The following TMEM132E variants were observed in gnomAD, a reference collection of about 807,000 sequenced individuals.
TMEM132E encodes the protein transmembrane protein 132E.
In TMEM132E, 49 loss-of-function variants were observed where a neutral mutation model predicts 78.5. The ratio of observed to expected loss-of-function variants is 0.62; its 90% confidence interval spans 0.50 to 0.79. TMEM132E has a LOEUF of 0.79. Ranked by LOEUF, TMEM132E falls within the 30% of genes least tolerant of loss-of-function variation. The pLI is 0.00. For synonymous variants in TMEM132E, 715 were observed against 670.6 expected (o/e 1.07, Z -1.02); for missense variants, 1,403 against 1,470.9 (o/e 0.95, Z 0.75).
Position 34,637,649 on chromosome 17 carries a change from C to A in TMEM132E, c.2642C>A (p.Pro881Gln). ...CTGCCCACCGGCTTCCTGCAGGTGC[C>A]ACGGGGTCTGACAGACCTGGAGATC... ...LPLPTGFLQV[P>Q]RGLTDLEIGM... The change falls in exon 9 of 9, where the codon CCA (proline) becomes CAA (glutamine). Residue 881 changes from proline (P) to glutamine (Q), a missense_variant. Coordinates refer to ENST00000631683, the MANE Select transcript of TMEM132E (RefSeq NM_001304438.2). 1 of 1,607,598 alleles carries A rather than the reference C, an allele frequency of 6.2e-7. No homozygotes were observed. The highest frequency in any genetic ancestry group is 8.5e-7 in the Non-Finnish European group (1 of 1,179,404).
intron 1 of TMEM132E, among the ~76,000 whole-genome samples, chr17:34,624,076 AC>A (rs986040546): frequency 1.3e-5 from 2 of 152,100 alleles, no homozygotes; most frequent in Non-Finnish European, 2.9e-5. Context: ...AAAACAACTG[AC>A]CCCGAGGGCC....
chr17:34,617,855 A>ATG (rs1328743977), intron 1 of TMEM132E, among the ~76,000 whole-genome samples: 2 of 152,216 alleles, frequency 1.3e-5, no homozygotes, highest in Non-Finnish European at 2.9e-5. Flanking sequence ...TTTACAAGCA[A>ATG]TGTGTGTTCA....
chr17:34,587,044 T>C (rs574687108), intron 1 of TMEM132E, among the ~76,000 whole-genome samples: 320 of 152,318 alleles, frequency 2.1e-3, no homozygotes, highest in Non-Finnish European at 3.8e-3. Context: ...GTGTGCTTGC[T>C]GGCAGAACTT....
At chr17:34,615,815 C>T (rs150193549) in intron 1 of TMEM132E, among the ~76,000 whole-genome samples, 23 of 151,744 alleles carry the variant, frequency 1.5e-4, no homozygotes, top group Admixed American at 9.8e-4. Context: ...CTCAGGAGGC[C>T]GTGTGGGGGA....
chr17:34,586,785 T>A (rs1302383244), intron 1 of TMEM132E, among the ~76,000 whole-genome samples: 1 of 143,340 alleles, frequency 7.0e-6, no homozygotes, highest in African/African-American at 2.7e-5. Context: ...AATGAATGAG[T>A]GCAAGGATGA....
At chr17:34,612,836 C>T (rs1906635005) in intron 1 of TMEM132E, among the ~76,000 whole-genome samples, 1 of 152,048 alleles carries the variant, frequency 6.6e-6, no homozygotes, top group Non-Finnish European at 1.5e-5. Flanking sequence ...GGAAGCCTTT[C>T]AGCCTCTCTC....
At chr17:34,590,731 T>G (rs955764805) in intron 1 of TMEM132E, among the ~76,000 whole-genome samples, 5 of 152,208 alleles carry the variant, frequency 3.3e-5, no homozygotes, top group Non-Finnish European at 5.9e-5. Context: ...GGTAACTCTT[T>G]ACCTGGGTGA....
rs1416966094 is a variant in TMEM132E at position 34,636,088 on chromosome 17, C to G, written c.2059C>G (p.Gln687Glu). ...TEEKVSITQL[Q>E]AQVVASLALS... ...GGAGAAGGTCAGCATCACACAGCTT[C>G]AGGCCCAGGTGGTGGCCAGCCTGGC... Residue 687 changes from glutamine (Q) to glutamate (E), a missense_variant, in exon 8 of 9, where the codon CAG (glutamine) becomes GAG (glutamate). Gln to Glu is a conservative substitution (Grantham distance 29). Around this residue, in one of 3 missense-constraint regions of TMEM132E, gnomAD observed 888 missense variants for 952.8 expected, o/e 0.93. Transcript: ENST00000631683. The G allele has an allele frequency of 6.3e-7, 1 of 1,594,976 alleles. No homozygotes were observed. The highest frequency in any genetic ancestry group is 1.4e-5 in the African/African-American group (1 of 73,792).
At chr17:34,582,880 C>G (rs570801620) in intron 1 of TMEM132E, among the ~76,000 whole-genome samples, 1 of 152,166 alleles carries the variant, frequency 6.6e-6, no homozygotes, top group African/African-American at 2.4e-5. Context: ...CCAACCATGG[C>G]GTCACCTCAA....
chr17:34,605,009 G>A (rs543476453), intron 1 of TMEM132E, among the ~76,000 whole-genome samples: 11 of 152,274 alleles, frequency 7.2e-5, no homozygotes, highest in Non-Finnish European at 1.6e-4. Flanking sequence ...ACTTAAGCTG[G>A]AGACCTCTAC....
intron 1 of TMEM132E, among the ~76,000 whole-genome samples, chr17:34,594,979 G>C (rs73284021): frequency 0.012 from 1,857 of 152,308 alleles, 47 homozygotes; most frequent in African/African-American, 0.042. Flanking sequence ...ATGAGACAAG[G>C]ATGCAAATAA....
intron 1 of TMEM132E, among the ~76,000 whole-genome samples, chr17:34,602,489 G>A (rs1906276245): frequency 6.6e-6 from 1 of 152,232 alleles, no homozygotes; most frequent in South Asian, 2.1e-4. Context: ...CAGGGTGGAG[G>A]AGGAGGCTTT....
chr17:34,585,455 C>A (rs1276418582), intron 1 of TMEM132E, among the ~76,000 whole-genome samples: 1 of 152,184 alleles, frequency 6.6e-6, no homozygotes, highest in Non-Finnish European at 1.5e-5. Context: ...TAGTAGCGGG[C>A]AGGGTCTCAC....
intron 1 of TMEM132E, among the ~76,000 whole-genome samples, chr17:34,609,059 C>T (rs1464952294): frequency 6.6e-6 from 1 of 152,182 alleles, no homozygotes; most frequent in African/African-American, 2.4e-5. Flanking sequence ...GGCTCTACAG[C>T]AGTCGGGACA....
At chr17:34,591,259 A>G (rs1387095195) in intron 1 of TMEM132E, among the ~76,000 whole-genome samples, 1 of 152,068 alleles carries the variant, frequency 6.6e-6, no homozygotes, top group Non-Finnish European at 1.5e-5. Flanking sequence ...AGTTCTGAAG[A>G]ATATGGCCAA....
At chr17:34,586,381 C>T (rs551440874) in intron 1 of TMEM132E, among the ~76,000 whole-genome samples, 45 of 152,086 alleles carry the variant, frequency 3.0e-4, no homozygotes, top group Non-Finnish European at 4.4e-4. Flanking sequence ...TTCTTATCAC[C>T]AATTCAGCTG....
intron 1 of TMEM132E, among the ~76,000 whole-genome samples, chr17:34,601,069 C>T (rs1389618078): frequency 6.6e-6 from 1 of 152,218 alleles, no homozygotes; most frequent in African/African-American, 2.4e-5. Context: ...GAAATTTGGG[C>T]AGCAACAGCC....
rs540937740 is a variant in TMEM132E, at chr17:34,617,340, C to T, written c.68-8787C>T. The stretch of plus-strand genomic sequence containing the variant: ...TCCAGCCTCGGTGCCTCTTTGGAGG[C>T]CTTTGGGACACTGCTCCATGTGCCT... On this transcript the variant is annotated intron_variant, in intron 1 of 8. Transcript: ENST00000631683. 2.0e-5 allele frequency among the ~76,000 whole-genome samples: 3 copies of T among 152,338 alleles called. No individual in the cohort carries two copies. In the South Asian group the frequency reaches 6.2e-4, roughly 32 times the overall value.
rs578008873 is a variant in TMEM132E, at chr17:34,628,800, G to C, written c.1145+91G>C. On this transcript the variant is annotated intron_variant, in intron 3 of 8. Coordinates refer to ENST00000631683, the MANE Select transcript of TMEM132E (RefSeq NM_001304438.2). Reference sequence around the variant, plus strand: ...CTTTGAAGGAGGAGGCTAGGCTTGGGGAGGGCTGGGGCTCGGTCATTGGGG... The same window carrying C: ...CTTTGAAGGAGGAGGCTAGGCTTGGCGAGGGCTGGGGCTCGGTCATTGGGG... 177 of 1,449,136 alleles carry C rather than the reference G, an allele frequency of 1.2e-4. No homozygotes were observed. The African/African-American group carries it at 2.3e-3, about 19-fold the overall frequency. 89.8% of individuals were successfully genotyped at this position (1,449,136 alleles called of 1,614,324 possible).
Sources: gnomAD v4.1 joint callset for allele counts (sites outside exome capture counted in the v4.1 genomes callset) on GRCh38, gnomAD v4.1.1 for gene constraint, gnomAD v4.1.1 regional missense constraint, MANE v1.5 for transcripts, NCBI Gene and HGNC (gene_info 2026-07-23, HGNC 2026-07-21) for gene names.